YAE1: variants seen among roughly 807,000 people sequenced by gnomAD.
YAE1 encodes YAE1 maturation factor of ABCE1.
YAE1 carries 22 observed loss-of-function variants against 23.0 expected under a neutral mutation model. The observed-to-expected ratio is 0.96, with a 90% confidence interval of 0.68 to 1.37. The LOEUF is 1.37. Ranked by LOEUF, YAE1 falls within the 40% of genes most tolerant of loss-of-function variation. YAE1 has a pLI of 0.00. For missense variants in YAE1, 260 were observed against 262.1 expected (o/e 0.99, Z 0.06); for synonymous variants, 101 against 97.0 (o/e 1.04, Z -0.24).
At chr7:39,607,282 A>C (rs1483275896) in intron 2 of YAE1, among the ~76,000 whole-genome samples, 1 of 152,240 alleles carries the variant, frequency 6.6e-6, no homozygotes, top group Non-Finnish European at 1.5e-5. Context: ...TAGATTATAT[A>C]GGAAAGGAAT....
chr7:39,597,081 A>G (rs1790985796), intron 2 of YAE1, among the ~76,000 whole-genome samples: 1 of 152,274 alleles, frequency 6.6e-6, no homozygotes, highest in Admixed American at 6.5e-5. Context: ...AACAGATTAG[A>G]AATACAAGGC....
chr7:39,594,607 A>ATTT (rs112916357), intron 2 of YAE1, among the ~76,000 whole-genome samples: 1 of 144,276 alleles, frequency 6.9e-6, no homozygotes, highest in African/African-American at 2.5e-5. Context: ...GTAGAACCTC[A>ATTT]TTTTTTTTTT....
chr7:39,596,187 G>GTCAC (rs1201159398), intron 2 of YAE1, among the ~76,000 whole-genome samples: 2 of 150,314 alleles, frequency 1.3e-5, no homozygotes, highest in African/African-American at 5.0e-5. Flanking sequence ...CAATCTGTAA[G>GTCAC]TCACTTATTT....
chr7:39,582,547 A>T (rs1432197021), intron 2 of YAE1, among the ~76,000 whole-genome samples: 1 of 152,220 alleles, frequency 6.6e-6, no homozygotes, highest in Non-Finnish European at 1.5e-5. Flanking sequence ...TTTATCTTAT[A>T]GGCCAATATG....
In YAE1 at chr7:39,572,608, G is replaced by C; in HGVS notation, c.583G>C (p.Glu195Gln). ...CCRTQEHAHS[E>Q]NPSPTWILEQ... Reference sequence around the variant, plus strand: ...TAGAACACAGGAGCATGCACATTCAGAAAACCCAAGCCCCACATGGATTTT... The same window carrying C: ...TAGAACACAGGAGCATGCACATTCACAAAACCCAAGCCCCACATGGATTTT... Residue 195 changes from glutamate to glutamine, a missense_variant, in exon 3 of 3, where the codon GAA becomes CAA. By Grantham distance (29) the Glu-to-Gln change is conservative (BLOSUM62 2). Transcript: ENST00000223273. The C allele has an allele frequency of 6.2e-7, 1 of 1,614,086 alleles. No individual in the cohort carries two copies. Among genetic ancestry groups the C allele is most frequent in the Non-Finnish European group, 8.5e-7 (1 of 1,179,958 alleles).
intron 1 of YAE1, chr7:39,570,155 A>C: frequency 2.6e-6 from 2 of 756,178 alleles, no homozygotes; most frequent in Non-Finnish European, 4.5e-6. Flanking sequence ...AAGCAACAGT[A>C]CCAGGACTGC....
chr7:39,610,126 G>A, exon 3 of YAE1: 1 of 938,086 alleles, frequency 1.1e-6, no homozygotes, highest in Non-Finnish European at 1.6e-6. Flanking sequence ...AGAACAATAT[G>A]TACACGTCTC....
chr7:39,575,537 G>GGAGAGAGAGAGAGAGAGA (rs56954676), downstream of YAE1, among the ~76,000 whole-genome samples: 35 of 131,272 alleles, frequency 2.7e-4, no homozygotes, highest in African/African-American at 2.9e-4. Context: ...CTAAGATACA[G>GGAGAGAGAGAGAGAGAGA]GAGAGAGAGA....
At chr7:39,601,310 T>G (rs1209257310) in intron 2 of YAE1, among the ~76,000 whole-genome samples, 2 of 152,260 alleles carry the variant, frequency 1.3e-5, no homozygotes, top group Admixed American at 1.3e-4. Context: ...TTTCATTGTT[T>G]AATTTTACTC....
intron 2 of YAE1, among the ~76,000 whole-genome samples, chr7:39,571,758 GCAAA>G (rs1333077505): frequency 6.6e-6 from 1 of 152,130 alleles, no homozygotes; most frequent in East Asian, 1.9e-4. Context: ...TAGTAGTTCA[GCAAA>G]CAGTTTCTAC....
chr7:39,606,662 G>T (rs1791134055), intron 2 of YAE1, among the ~76,000 whole-genome samples: 1 of 151,488 alleles, frequency 6.6e-6, no homozygotes, highest in African/African-American at 2.4e-5. Flanking sequence ...CTCTATCTAG[G>T]TTTAAGGGCA....
At chr7:39,584,784 C>T (rs1250422030) in intron 2 of YAE1, among the ~76,000 whole-genome samples, 2 of 152,046 alleles carry the variant, frequency 1.3e-5, no homozygotes, top group African/African-American at 2.4e-5. Flanking sequence ...TATGGGAGGC[C>T]GGGTTGGGAG....
chr7:39,566,520 G>A lies in YAE1; in HGVS notation c.102G>A (p.Trp34Ter), dbSNP rs1790469855. 1 of 1,614,108 alleles carries A rather than the reference G, an allele frequency of 6.2e-7. No individual in the cohort carries two copies. The highest frequency in any genetic ancestry group is 8.5e-7 in the Non-Finnish European group (1 of 1,179,972). Residue 34 changes from tryptophan (W) to a stop codon, truncating the protein, a stop_gained, in exon 1 of 3, where the codon TGG (tryptophan) becomes TGA (stop). Coordinates refer to ENST00000223273, the MANE Select transcript of YAE1 (RefSeq NM_020192.5). LOFTEE classifies it high-confidence loss of function. ...ADESLLAQREWQSNMQRRVKE... is the reference protein window; with the variant it reads ...ADESLLAQRE The stretch of plus-strand genomic sequence containing the variant: ...AGTCGCTCCTGGCGCAGCGGGAATG[G>A]CAGAGTAACATGCAAAGACGAGTCA...
intron 2 of YAE1, among the ~76,000 whole-genome samples, chr7:39,609,371 T>C (rs769076150): frequency 1.1e-4 from 17 of 152,248 alleles, no homozygotes; most frequent in Non-Finnish European, 2.1e-4. Flanking sequence ...TACTTCTCTA[T>C]TAAGCTGTGC....
At chr7:39,577,795 C>T (rs975925039), downstream of YAE1, among the ~76,000 whole-genome samples, 1 of 152,210 alleles carries the variant, frequency 6.6e-6, no homozygotes, top group Non-Finnish European at 1.5e-5. Flanking sequence ...GTGCACGGTG[C>T]GGGACTGGGA....
intron 2 of YAE1, among the ~76,000 whole-genome samples, chr7:39,588,019 C>T (rs1260891673): frequency 6.6e-6 from 1 of 152,104 alleles, no homozygotes. Context: ...ATCTGGTTTC[C>T]GGGACTTGTT....
intron 2 of YAE1, among the ~76,000 whole-genome samples, chr7:39,571,592 T>C (rs1212458661): frequency 6.6e-6 from 1 of 152,198 alleles, no homozygotes; most frequent in Non-Finnish European, 1.5e-5. Flanking sequence ...CATCATCAAG[T>C]TGATGTTACA....
intron 2 of YAE1, among the ~76,000 whole-genome samples, chr7:39,591,565 G>T (rs1183535596): frequency 6.6e-6 from 1 of 151,856 alleles, no homozygotes; most frequent in East Asian, 1.9e-4. Context: ...TTGAACAGAA[G>T]ATTCAGACAG....
intron 2 of YAE1, among the ~76,000 whole-genome samples, chr7:39,602,300 T>A (rs1263222979): frequency 1.3e-5 from 2 of 152,184 alleles, no homozygotes; most frequent in African/African-American, 2.4e-5. Flanking sequence ...TCCAGCCCAA[T>A]GCAGCCGATA....
Sources: allele counts gnomAD v4.1 joint callset (sites outside exome capture counted in the v4.1 genomes callset), GRCh38; gene constraint gnomAD v4.1.1; transcripts MANE v1.5; gene names NCBI Gene and HGNC (gene_info 2026-07-23, HGNC 2026-07-21).